Variants in CSMD1 observed in about 807,000 individuals in gnomAD.
CSMD1 encodes CUB and Sushi multiple domains 1.
In CSMD1, 213 loss-of-function variants were observed where a neutral mutation model predicts 417.5. The observed-to-expected ratio is 0.51, with a 90% CI of 0.46 to 0.57. The LOEUF (loss-of-function observed/expected upper bound fraction) is 0.57. Ranked by LOEUF, CSMD1 falls within the 20% of genes least tolerant of loss-of-function variation. CSMD1 has a pLI of 0.00. For missense variants in CSMD1, 6,923 were observed against 4,529.7 expected, an observed-to-expected ratio of 1.53 and a Z score of -15.17; for synonymous variants, 2,862 against 1,736.8, an observed-to-expected ratio of 1.65 and a Z score of -16.11.
chr8:4,602,344 G>C (rs1351790627), intron 2 of CSMD1, among the ~76,000 whole-genome samples: 2 of 152,086 alleles, frequency 1.3e-5, no homozygotes, highest in Non-Finnish European at 2.9e-5. Context: ...TAGCAGATAA[G>C]GAAGCTGAAA....
At chr8:4,939,388 G>A (rs149705982) in intron 1 of CSMD1, among the ~76,000 whole-genome samples, 2 of 152,156 alleles carry the variant, frequency 1.3e-5, no homozygotes, top group Non-Finnish European at 2.9e-5. Context: ...CCAAGCTATG[G>A]AAACAACCTC....
At chr8:3,991,221 G>T (rs932058554) in intron 5 of CSMD1, among the ~76,000 whole-genome samples, 1 of 152,204 alleles carries the variant, frequency 6.6e-6, no homozygotes, top group African/African-American at 2.4e-5. Flanking sequence ...GTGAAAGAAA[G>T]CCACCAATCA....
At chr8:4,753,408 CA>C (rs1563296628) in intron 1 of CSMD1, among the ~76,000 whole-genome samples, 1 of 4,644 alleles carries the variant, frequency 2.2e-4, no homozygotes. Context: ...ATAAACCACA[CA>C]CACACACACA....
At chr8:3,852,144 A>C (rs74364217) in intron 5 of CSMD1, among the ~76,000 whole-genome samples, 3 of 152,186 alleles carry the variant, frequency 2.0e-5, no homozygotes, top group Non-Finnish European at 4.4e-5. Flanking sequence ...CAAATACTCT[A>C]TAAGAATACT....
intron 39 of CSMD1, among the ~76,000 whole-genome samples, chr8:3,154,225 G>A (rs532606288): frequency 9.9e-5 from 15 of 152,240 alleles, no homozygotes; most frequent in African/African-American, 3.4e-4. Context: ...CACCTGCCTC[G>A]GCCTCCCGAA....
At chr8:2,961,050 G>T (rs2128925255) in intron 62 of CSMD1, 91 bp downstream of exon 62, 1 of 711,278 alleles carries the variant, frequency 1.4e-6, no homozygotes, top group Non-Finnish European at 2.2e-6. Flanking sequence ...CATGAATAAG[G>T]TATGATATAA....
At chr8:3,338,684 T>A (rs1003396868) in intron 23 of CSMD1, among the ~76,000 whole-genome samples, 7 of 152,314 alleles carry the variant, frequency 4.6e-5, no homozygotes, top group Non-Finnish European at 5.9e-5. Flanking sequence ...GCAGGGTGCA[T>A]CCTGAGGACT....
chr8:4,023,274 T>C (rs972566813), intron 4 of CSMD1, among the ~76,000 whole-genome samples: 8 of 152,204 alleles, frequency 5.3e-5, no homozygotes, highest in African/African-American at 1.9e-4. Context: ...CTGAACCAAC[T>C]ACCCATCATT....
intron 3 of CSMD1, among the ~76,000 whole-genome samples, chr8:4,253,700 C>A (rs1384689167): frequency 2.0e-5 from 3 of 151,026 alleles, no homozygotes; most frequent in Admixed American, 1.3e-4. Context: ...TAAAATTTGC[C>A]AACTAAGTAA....
chr8:4,656,022 C>A (rs1585401822), intron 1 of CSMD1, among the ~76,000 whole-genome samples: 1 of 152,034 alleles, frequency 6.6e-6, no homozygotes, highest in East Asian at 1.9e-4. Flanking sequence ...AAACTGCATG[C>A]TCTGTTGGGA....
intron 3 of CSMD1, among the ~76,000 whole-genome samples, chr8:4,220,787 T>C (rs766140853): frequency 2.6e-5 from 4 of 152,188 alleles, no homozygotes; most frequent in Admixed American, 1.3e-4. Flanking sequence ...AAGAAATCCT[T>C]ATAACGCACC....
At chr8:3,062,540 A>G (rs1392776884) in intron 49 of CSMD1, among the ~76,000 whole-genome samples, 1 of 146,462 alleles carries the variant, frequency 6.8e-6, no homozygotes, top group Non-Finnish European at 1.5e-5. Context: ...TAAAAACAAC[A>G]ACAAAACAAA....
intron 3 of CSMD1, among the ~76,000 whole-genome samples, chr8:4,328,242 ATTTTT>A (rs3067534): frequency 0.15 from 18,689 of 124,734 alleles, 1,120 homozygotes; most frequent in South Asian, 0.22. Context: ...ACTCAATACA[ATTTTT>A]TTTTTTTTTT....
intron 3 of CSMD1, among the ~76,000 whole-genome samples, chr8:4,226,091 CACACACACACACACACGCCA>C (rs1563302339): frequency 6.6e-6 from 1 of 151,604 alleles, no homozygotes; most frequent in African/African-American, 2.4e-5. Context: ...CACACACACA[CACACACACACACACACGCCA>C]ACACACATAC....
intron 2 of CSMD1, among the ~76,000 whole-genome samples, chr8:4,511,201 T>A (rs1192770677): frequency 3.9e-5 from 6 of 152,116 alleles, no homozygotes; most frequent in Non-Finnish European, 5.9e-5. Flanking sequence ...TCAGTCCATG[T>A]ACAGATCCAT....
chr8:4,262,416 G>C (rs536456647), intron 3 of CSMD1, among the ~76,000 whole-genome samples: 4 of 152,318 alleles, frequency 2.6e-5, no homozygotes, highest in Non-Finnish European at 4.4e-5. Context: ...TTTGTGGTTA[G>C]AAATTTAAGA....
intron 26 of CSMD1, among the ~76,000 whole-genome samples, chr8:3,247,234 T>C (rs1799939346): frequency 6.6e-6 from 1 of 152,194 alleles, no homozygotes; most frequent in Non-Finnish European, 1.5e-5. Context: ...TTGACAAATG[T>C]ACATTCACAG....
chr8:4,236,871 C>A (rs907907226), intron 3 of CSMD1, among the ~76,000 whole-genome samples: 2 of 152,190 alleles, frequency 1.3e-5, no homozygotes, highest in Non-Finnish European at 2.9e-5. Flanking sequence ...GCATCAGTGA[C>A]AGGCCAGGCA....
At chr8:3,554,452 G>A (rs910071070) in intron 10 of CSMD1, among the ~76,000 whole-genome samples, 6 of 152,150 alleles carry the variant, frequency 3.9e-5, no homozygotes, top group Non-Finnish European at 7.3e-5. Flanking sequence ...GCAGAGAACA[G>A]GGTCACAGAC....
Sources: allele counts gnomAD v4.1 joint callset (sites outside exome capture counted in the v4.1 genomes callset), GRCh38; gene constraint gnomAD v4.1.1; transcripts MANE v1.5; gene names NCBI Gene and HGNC (gene_info 2026-07-23, HGNC 2026-07-21).